SCUBE1: variants seen among roughly 807,000 people sequenced by gnomAD.
The protein encoded by SCUBE1 is signal peptide, CUB domain and EGF like domain containing 1.
In SCUBE1, 59 loss-of-function variants were observed where a neutral mutation model predicts 124.4. That is an observed-to-expected ratio of 0.47 (90% CI 0.38 to 0.59). SCUBE1 has a LOEUF of 0.59. SCUBE1 is among the 20% of genes least tolerant of loss of function. SCUBE1 has a pLI of 0.00. For synonymous variants in SCUBE1, 545 were observed against 550.9 expected, an observed-to-expected ratio of 0.99 and a Z score of 0.15; for missense variants, 1,150 against 1,371.2, an observed-to-expected ratio of 0.84 and a Z score of 2.55.
intron 3 of SCUBE1, among the ~76,000 whole-genome samples, chr22:43,303,356 A>T (rs1925846504): frequency 6.6e-6 from 1 of 152,134 alleles, no homozygotes; most frequent in Non-Finnish European, 1.5e-5. Flanking sequence ...CTCCTGCCCC[A>T]TCCATGCCCT....
In SCUBE1 at chr22:43,258,936, G is replaced by C. The variant is rs1359690101; in HGVS notation, c.611-601C>G. On this transcript the variant is annotated intron_variant, in intron 5 of 21. Transcript: ENST00000360835. This position sits in a 1 kb window ranked among gnomAD's most constrained non-coding sequence, Gnocchi z 5.0. ...GCAATGTCCGAACAGACAGACTCAT[G>C]CAAGTTAATGTCATCTGAGGTACGG... 2.0e-5 allele frequency among the ~76,000 whole-genome samples: 3 copies of C among 152,204 alleles called. No individual in the cohort carries two copies. Among genetic ancestry groups the C allele is most frequent in the African/African-American group, 7.2e-5 (3 of 41,450 alleles).
intron 19 of SCUBE1, among the ~76,000 whole-genome samples, chr22:43,209,188 G>A (rs533241356): frequency 6.7e-4 from 102 of 152,220 alleles, no homozygotes; most frequent in African/African-American, 2.4e-3. Context: ...AGCAGCCCTG[G>A]CGCAGACCTC....
At chr22:43,204,212 G>T in intron 21 of SCUBE1, 63 bp from the exon 22 acceptor site, 11 of 1,504,476 alleles carry the variant, frequency 7.3e-6, no homozygotes, top group Non-Finnish European at 1.0e-5. Context: ...GTGGGGTGTT[G>T]CCAGGCTGGG....
At chr22:43,275,180 G>A (rs768319399) in intron 4 of SCUBE1, among the ~76,000 whole-genome samples, 6 of 152,190 alleles carry the variant, frequency 3.9e-5, no homozygotes, top group Non-Finnish European at 5.9e-5. Flanking sequence ...GGGTCTCTGC[G>A]CTTCTGACAG....
chr22:43,227,315 T>G, intron 10 of SCUBE1, 59 bp downstream of exon 10: 1 of 1,560,406 alleles, frequency 6.4e-7, no homozygotes, highest in Non-Finnish European at 8.7e-7. Context: ...AAAGCCACTG[T>G]CCCTCCCATC....
rs556518089 is a variant in SCUBE1, at chr22:43,198,871, G to A, written c.*5126C>T. Reference sequence around the variant, plus strand: ...GGGGAAGTGTGTCTGTCTGTCTGCTGTCTGGGGCAGTTTGCTGTCTGCTTT... The same window carrying A: ...GGGGAAGTGTGTCTGTCTGTCTGCTATCTGGGGCAGTTTGCTGTCTGCTTT... On this transcript the variant is annotated 3_prime_UTR_variant, in exon 22 of 22. Transcript: ENST00000360835. The A allele has an allele frequency of 2.6e-5, 10 of 388,332 alleles. No individual in the cohort carries two copies. Among genetic ancestry groups the A allele is most frequent in the African/African-American group, 6.2e-5 (3 of 48,240 alleles). The allele number at this position is 388,332 out of a possible 1,614,324, so 24.1% of individuals were successfully genotyped here. A position where few individuals can be genotyped will look rare whatever the true frequency, so the allele number is the denominator to read the frequency against.
intron 4 of SCUBE1, among the ~76,000 whole-genome samples, chr22:43,277,885 G>A (rs762186768): frequency 6.6e-6 from 1 of 152,230 alleles, no homozygotes; most frequent in African/African-American, 2.4e-5. Flanking sequence ...AGAGAAGGAC[G>A]CCAGGGCTGG....
chr22:43,316,634 CAG>C (rs895289115), intron 3 of SCUBE1, among the ~76,000 whole-genome samples: 37 of 152,170 alleles, frequency 2.4e-4, no homozygotes, highest in Non-Finnish European at 5.3e-4. Flanking sequence ...AGCTGAGCCT[CAG>C]GGGCTGCCTG....
intron 2 of SCUBE1, among the ~76,000 whole-genome samples, chr22:43,338,261 G>A (rs1052246310): frequency 6.6e-6 from 1 of 152,174 alleles, no homozygotes; most frequent in African/African-American, 2.4e-5. Flanking sequence ...TTAGCCTGCT[G>A]GGGAGGCAGT....
intron 16 of SCUBE1, among the ~76,000 whole-genome samples, chr22:43,212,979 C>A (rs1921636337): frequency 6.6e-6 from 1 of 152,106 alleles, no homozygotes; most frequent in South Asian, 2.1e-4. Flanking sequence ...AGAAGGAGCA[C>A]CTGCTCAGCT....
chr22:43,264,651 C>T (rs1374656374), intron 4 of SCUBE1, among the ~76,000 whole-genome samples: 1 of 152,164 alleles, frequency 6.6e-6, no homozygotes, highest in Non-Finnish European at 1.5e-5. Flanking sequence ...AGTCCAGGGT[C>T]GCCCCCTTCA....
chr22:43,197,914 C>T lies in SCUBE1; in HGVS notation c.*6083G>A, dbSNP rs545882108. The T allele has an allele frequency of 6.6e-6, 1 of 152,420 alleles. No homozygotes were observed. The highest frequency in any genetic ancestry group is 1.5e-5 in the Non-Finnish European group (1 of 68,170). The allele number at this position is 152,420 out of a possible 1,614,324, so 9.4% of individuals were successfully genotyped here. A position where few individuals can be genotyped will look rare whatever the true frequency, so the allele number is the denominator to read the frequency against. On this transcript the variant is annotated 3_prime_UTR_variant, in exon 22 of 22. Transcript: ENST00000360835. The stretch of plus-strand genomic sequence containing the variant: ...CCCCTCCCTGCAGCCTTCTCTCTGT[C>T]TCTGGACTCCACCGCCAGGGCTGAC...
intron 2 of SCUBE1, among the ~76,000 whole-genome samples, chr22:43,324,754 G>T (rs1324064008): frequency 6.6e-6 from 1 of 151,776 alleles, no homozygotes; most frequent in Non-Finnish European, 1.5e-5. Flanking sequence ...ACGAGAAACA[G>T]GCAGGTGGAG....
At chr22:43,299,304 C>T (rs1278049223) in intron 3 of SCUBE1, among the ~76,000 whole-genome samples, 3 of 152,132 alleles carry the variant, frequency 2.0e-5, no homozygotes, top group South Asian at 2.1e-4. Flanking sequence ...CAGGGAATCA[C>T]GGGTACGAAC....
At chr22:43,271,561 G>C (rs937745410) in intron 4 of SCUBE1, among the ~76,000 whole-genome samples, 1 of 152,130 alleles carries the variant, frequency 6.6e-6, no homozygotes, top group South Asian at 2.1e-4. Flanking sequence ...GACAGCATCT[G>C]CCCCTGGAGT....
intron 6 of SCUBE1, among the ~76,000 whole-genome samples, chr22:43,245,559 G>A (rs920998492): frequency 4.6e-5 from 7 of 152,160 alleles, no homozygotes; most frequent in African/African-American, 1.7e-4. Flanking sequence ...ACCCCGGCAG[G>A]CTCCTCCAGA....
chr22:43,266,292 G>A (rs1001896172), intron 4 of SCUBE1, among the ~76,000 whole-genome samples: 2 of 152,064 alleles, frequency 1.3e-5, no homozygotes, highest in Admixed American at 6.5e-5. Context: ...CCTCCTCCCC[G>A]AGAAGGGTGG....
At chr22:43,244,084 G>A (rs11703041) in intron 6 of SCUBE1, among the ~76,000 whole-genome samples, 3,406 of 152,230 alleles carry the variant, frequency 0.022, 56 homozygotes, top group Non-Finnish European at 0.035. Flanking sequence ...AGTTTATGGA[G>A]TGGCGGGGGG....
chr22:43,228,826 G>T (rs1273084571), intron 9 of SCUBE1, among the ~76,000 whole-genome samples: 1 of 152,230 alleles, frequency 6.6e-6, no homozygotes, highest in Non-Finnish European at 1.5e-5. Context: ...GTGCCCATCT[G>T]GCCAAGGCCT....
Sources: allele counts gnomAD v4.1 joint callset (sites outside exome capture counted in the v4.1 genomes callset), GRCh38; gene constraint gnomAD v4.1.1; non-coding constraint Gnocchi (gnomAD v3.1); transcripts MANE v1.5; gene names NCBI Gene and HGNC (gene_info 2026-07-23, HGNC 2026-07-21).